DNAH12: variants seen among roughly 807,000 people sequenced by gnomAD.
The protein encoded by DNAH12 is dynein axonemal heavy chain 12.
In DNAH12, 285 loss-of-function variants were observed where a neutral mutation model predicts 371.5. The ratio of observed to expected loss-of-function variants is 0.77; its 90% CI spans 0.70 to 0.85. The LOEUF (loss-of-function observed/expected upper bound fraction) is 0.85. DNAH12 is among the 40% of genes least tolerant of loss of function. The probability of loss-of-function intolerance (pLI) is 0.00; values close to 1 mark genes in which losing one functional copy is unlikely to be tolerated. For missense variants in DNAH12, 3,611 were observed against 3,689.4 expected (o/e 0.98, Z 0.55); for synonymous variants, 1,200 against 1,213.0 (o/e 0.99, Z 0.22).
Position 57,334,468 on chromosome 3 carries a change from A to AG in DNAH12, c.9974_9975insC (p.Lys3326Ter), listed in dbSNP as rs1221652431. ...ATAGAACACATTGGTCTTTTACCTT[A>AG]TCAGGTCTTAAACACCGAAGAATTA... is the stretch of plus-strand genomic sequence containing the variant. On this transcript the variant is annotated frameshift_variant, in exon 62 of 74. Coordinates refer to ENST00000495027, the MANE Select transcript of DNAH12 (RefSeq NM_001366028.2). LOFTEE classifies it high-confidence loss of function. 6.5e-7 allele frequency: 1 copy of AG among 1,546,448 alleles called. No individual in the cohort carries two copies. Among genetic ancestry groups the AG allele is most frequent in the Non-Finnish European group, 8.7e-7 (1 of 1,145,918 alleles).
upstream of DNAH12, among the ~76,000 whole-genome samples, chr3:57,545,690 A>G (rs868207099): frequency 2.0e-5 from 3 of 152,164 alleles, no homozygotes; most frequent in South Asian, 2.1e-4. Flanking sequence ...CACATAACAT[A>G]AAAAGCAGCC....
intron 2 of DNAH12, among the ~76,000 whole-genome samples, chr3:57,539,109 T>A (rs1229297919): frequency 1.3e-5 from 2 of 152,220 alleles, no homozygotes; most frequent in Non-Finnish European, 2.9e-5. Context: ...AGTTCTCATC[T>A]ATGCTACTGT....
At chr3:57,447,857 T>C (rs922692826) in intron 25 of DNAH12, among the ~76,000 whole-genome samples, 1 of 152,080 alleles carries the variant, frequency 6.6e-6, no homozygotes, top group Non-Finnish European at 1.5e-5. Flanking sequence ...GTATTTTTAG[T>C]AGAGAAGAGG....
At chr3:57,464,854 G>A (rs1332013135) in intron 17 of DNAH12, among the ~76,000 whole-genome samples, 5 of 152,160 alleles carry the variant, frequency 3.3e-5, no homozygotes, top group East Asian at 1.9e-4. Flanking sequence ...ACTTTATGGC[G>A]ACAAAATCAA....
chr3:57,539,216 T>C (rs770252141), intron 2 of DNAH12, among the ~76,000 whole-genome samples: 5 of 152,246 alleles, frequency 3.3e-5, no homozygotes, highest in Non-Finnish European at 5.9e-5. Flanking sequence ...ATCTTTTAAA[T>C]GTAAATCAGG....
At chr3:57,303,574 G>T (rs1241918800) in intron 69 of DNAH12, among the ~76,000 whole-genome samples, 2 of 151,828 alleles carry the variant, frequency 1.3e-5, no homozygotes, top group African/African-American at 4.8e-5. Flanking sequence ...ACCACGCCTG[G>T]ATAATTTTTA....
At chr3:57,342,651 CAAAAAAAAAAA>C (rs71088061) in intron 60 of DNAH12, among the ~76,000 whole-genome samples, 8 of 35,092 alleles carry the variant, frequency 2.3e-4, no homozygotes, top group South Asian at 1.7e-3. Context: ...GACTGAGACT[CAAAAAAAAAAA>C]AAAAAAAAAA....
intron 2 of DNAH12, 134 bp downstream of exon 2, chr3:57,542,567 T>C (rs568381045): frequency 9.9e-7 from 1 of 1,007,886 alleles, no homozygotes; most frequent in South Asian, 1.9e-5. Context: ...ACTTTTCAAT[T>C]GTTTTTCTAA....
chr3:57,513,730 C>A (rs2068082862), intron 4 of DNAH12, among the ~76,000 whole-genome samples: 1 of 152,016 alleles, frequency 6.6e-6, no homozygotes, highest in African/African-American at 2.4e-5. Context: ...TTACAGAAAG[C>A]AAATTTAAAC....
At chr3:57,482,987 G>T (rs573317790) in intron 13 of DNAH12, among the ~76,000 whole-genome samples, 2 of 150,866 alleles carry the variant, frequency 1.3e-5, no homozygotes, top group East Asian at 3.9e-4. Flanking sequence ...CGAGTTAATG[G>T]GTGCAGCACA....
At chr3:57,550,149 C>CA in the DNAH12 span, among the ~76,000 whole-genome samples, 2 of 151,420 alleles carry the variant, frequency 1.3e-5, no homozygotes, top group South Asian at 2.1e-4. Flanking sequence ...CCCATCTCTA[C>CA]AAAAAAAAGT....
chr3:57,500,976 T>A (rs1444516394), intron 11 of DNAH12, among the ~76,000 whole-genome samples: 1 of 152,216 alleles, frequency 6.6e-6, no homozygotes, highest in Non-Finnish European at 1.5e-5. Flanking sequence ...AGACACGGTC[T>A]CACTATGTTG....
intron 13 of DNAH12, among the ~76,000 whole-genome samples, chr3:57,478,689 CA>C (rs1162279305): frequency 1.3e-5 from 2 of 152,220 alleles, no homozygotes; most frequent in East Asian, 3.9e-4. Flanking sequence ...GTTGGGTTAC[CA>C]ACAAAGGGAA....
chr3:57,480,095 A>G (rs2066682123), intron 13 of DNAH12, among the ~76,000 whole-genome samples: 1 of 152,186 alleles, frequency 6.6e-6, no homozygotes, highest in African/African-American at 2.4e-5. Context: ...GGAAATAGAG[A>G]CATAAAAAAC....
chr3:57,383,605 G>C (rs1410559303), intron 49 of DNAH12, among the ~76,000 whole-genome samples: 2 of 140,984 alleles, frequency 1.4e-5, no homozygotes, highest in Non-Finnish European at 3.0e-5. Flanking sequence ...AAATTAGCCA[G>C]GCATGGTGTC....
At chr3:57,297,917 C>A (rs142669120) in intron 70 of DNAH12, among the ~76,000 whole-genome samples, 1 of 152,300 alleles carries the variant, frequency 6.6e-6, no homozygotes, top group Non-Finnish European at 1.5e-5. Flanking sequence ...GCCTCTTGGT[C>A]TCCTATTCAA....
At chr3:57,346,750 G>C (rs2062552228) in intron 60 of DNAH12, among the ~76,000 whole-genome samples, 1 of 152,126 alleles carries the variant, frequency 6.6e-6, no homozygotes. Context: ...TACATTAAAA[G>C]TAAAGAGATA....
intron 40 of DNAH12, among the ~76,000 whole-genome samples, chr3:57,407,906 TAGAG>T (rs1332137936): frequency 3.3e-5 from 5 of 152,196 alleles, no homozygotes; most frequent in African/African-American, 7.2e-5. Flanking sequence ...GGAGGGAAGA[TAGAG>T]AGAAAAAACG....
chr3:57,541,197 G>A (rs1025367252), intron 2 of DNAH12, among the ~76,000 whole-genome samples: 3 of 151,490 alleles, frequency 2.0e-5, no homozygotes, highest in Non-Finnish European at 2.9e-5. Flanking sequence ...CTGCCACCAC[G>A]CCAAGCTAAT....
Sources: gnomAD v4.1 joint callset for allele counts (sites outside exome capture counted in the v4.1 genomes callset) on GRCh38, gnomAD v4.1.1 for gene constraint, MANE v1.5 for transcripts, NCBI Gene and HGNC (gene_info 2026-07-23, HGNC 2026-07-21) for gene names.